SLC2A9: variants seen among roughly 807,000 people sequenced by gnomAD.
The protein encoded by SLC2A9 is solute carrier family 2 member 9, also known as solute carrier family 2, facilitated glucose transporter member 9.
SLC2A9 carries 39 observed loss-of-function variants against 50.6 expected under a neutral mutation model. The ratio of observed to expected loss-of-function variants is 0.77; its 90% CI spans 0.60 to 1.01. The LOEUF is 1.01. Ranked by LOEUF, SLC2A9 falls within the 50% of genes least tolerant of loss-of-function variation. SLC2A9 has a pLI of 0.00. For missense variants in SLC2A9, 686 were observed against 677.6 expected (o/e 1.01, Z -0.14); for synonymous variants, 324 against 276.9 (o/e 1.17, Z -1.69).
At chr4:9,958,941 A>G (rs1751774093) in intron 5 of SLC2A9, among the ~76,000 whole-genome samples, 2 of 152,010 alleles carry the variant, frequency 1.3e-5, no homozygotes, top group African/African-American at 4.8e-5. Flanking sequence ...AATAAAAACA[A>G]TGATGGAATT....
intron 5 of SLC2A9, among the ~76,000 whole-genome samples, chr4:9,953,272 G>A (rs1750637543): frequency 6.6e-6 from 1 of 152,234 alleles, no homozygotes. Context: ...CAGAGAGCCA[G>A]TGCTTCTCCT....
intron 1 of SLC2A9, among the ~76,000 whole-genome samples, chr4:9,773,893 C>T (rs1296091337): frequency 6.6e-6 from 1 of 152,062 alleles, no homozygotes; most frequent in Non-Finnish European, 1.5e-5. Context: ...AGACTGAAGG[C>T]TGTGGAGACC....
rs907792071 is a variant in SLC2A9, at chr4:9,890,784, G to A, written c.1114-73C>T. ...CCACAACAGGGGAATGTGGCACTGG[G>A]AACCGGCAATGGCATCATGATTAAA... On this transcript the variant is annotated intron_variant, in intron 8 of 11. Coordinates refer to ENST00000264784, the MANE Select transcript of SLC2A9 (RefSeq NM_020041.3). 1.0e-5 allele frequency: 14 copies of A among 1,357,216 alleles called. No homozygotes were observed. In the African/African-American group the frequency reaches 1.6e-4, roughly 15 times the overall value. 84.1% of individuals were successfully genotyped at this position (1,357,216 alleles called of 1,614,324 possible). A position where few individuals can be genotyped will look rare whatever the true frequency, so the allele number is the denominator to read the frequency against.
At chr4:9,974,766 A>T (rs1754510757) in intron 5 of SLC2A9, among the ~76,000 whole-genome samples, 1 of 152,192 alleles carries the variant, frequency 6.6e-6, no homozygotes, top group South Asian at 2.1e-4. Flanking sequence ...TAAAATTCAT[A>T]TAAAACCAAA....
chr4:9,992,215 G>A (rs559174364), intron 3 of SLC2A9, among the ~76,000 whole-genome samples: 10 of 152,218 alleles, frequency 6.6e-5, no homozygotes, highest in Admixed American at 3.9e-4. Context: ...GAGTGGATGC[G>A]TGGTACAGGC....
intron 5 of SLC2A9, among the ~76,000 whole-genome samples, chr4:9,970,529 T>C (rs937258102): frequency 1.3e-5 from 2 of 152,080 alleles, no homozygotes; most frequent in Non-Finnish European, 2.9e-5. Flanking sequence ...GGAAAGCTTA[T>C]AGCCTGTGGC....
chr4:9,895,379 A>T (rs575687252), intron 8 of SLC2A9, among the ~76,000 whole-genome samples: 23 of 152,230 alleles, frequency 1.5e-4, no homozygotes, highest in African/African-American at 2.2e-4. Context: ...CCCTCCTTTA[A>T]GTCCAGTTAA....
chr4:9,985,255 G>A (rs1271122895), intron 4 of SLC2A9, among the ~76,000 whole-genome samples: 3 of 152,070 alleles, frequency 2.0e-5, no homozygotes, highest in South Asian at 2.1e-4. Flanking sequence ...GCCAGCCCTC[G>A]CAGGTGCTCT....
intron 5 of SLC2A9, among the ~76,000 whole-genome samples, chr4:9,970,986 C>G (rs570970278): frequency 1.3e-5 from 2 of 152,168 alleles, no homozygotes; most frequent in African/African-American, 4.8e-5. Context: ...ATGCAGCCCC[C>G]GTCATGTACC....
intron 8 of SLC2A9, among the ~76,000 whole-genome samples, chr4:9,907,982 G>T (rs1451933902): frequency 1.3e-5 from 2 of 152,162 alleles, no homozygotes; most frequent in Non-Finnish European, 2.9e-5. Flanking sequence ...GTCAGGAACT[G>T]GGTGAGAATT....
chr4:9,840,405 T>A (rs1390128213), intron 10 of SLC2A9, among the ~76,000 whole-genome samples: 1 of 152,220 alleles, frequency 6.6e-6, no homozygotes, highest in Non-Finnish European at 1.5e-5. Flanking sequence ...ACAGAATGCA[T>A]TTCAGGCAGG....
At chr4:10,018,296 G>A (rs1433161786) in intron 2 of SLC2A9, among the ~76,000 whole-genome samples, 2 of 152,204 alleles carry the variant, frequency 1.3e-5, no homozygotes, top group African/African-American at 4.8e-5. Context: ...TATAATCCCA[G>A]CACTTTGGGA....
intron 2 of SLC2A9, among the ~76,000 whole-genome samples, chr4:10,001,565 T>C (rs541017312): frequency 2.0e-5 from 3 of 152,322 alleles, no homozygotes; most frequent in South Asian, 4.1e-4. Flanking sequence ...AAAAGTAATA[T>C]ATTGCCTAGC....
At chr4:9,843,341 G>A (rs1728405902) in intron 10 of SLC2A9, among the ~76,000 whole-genome samples, 1 of 152,184 alleles carries the variant, frequency 6.6e-6, no homozygotes, top group African/African-American at 2.4e-5. Context: ...TGAAGAAAAT[G>A]TTTATATCAT....
intron 5 of SLC2A9, among the ~76,000 whole-genome samples, chr4:9,963,374 G>A (rs1019547004): frequency 6.6e-6 from 1 of 152,132 alleles, no homozygotes; most frequent in Non-Finnish European, 1.5e-5. Context: ...ACTAATCAGG[G>A]TCTTCTTCAT....
intron 3 of SLC2A9, chr4:9,782,416 G>T (rs773513412): frequency 1.9e-6 from 3 of 1,613,918 alleles, no homozygotes; most frequent in African/African-American, 1.3e-5. Context: ...CCTCCATCCT[G>T]AACCTGTGCG....
intron 6 of SLC2A9, among the ~76,000 whole-genome samples, chr4:9,922,111 T>C (rs1048135099): frequency 2.2e-4 from 33 of 152,230 alleles, no homozygotes; most frequent in African/African-American, 7.7e-4. Flanking sequence ...TAGTATTCCA[T>C]GGTGTATATG....
At chr4:10,032,088 C>G (rs1225652915) in intron 1 of SLC2A9, among the ~76,000 whole-genome samples, 1 of 152,160 alleles carries the variant, frequency 6.6e-6, no homozygotes, top group Admixed American at 6.5e-5. Flanking sequence ...GGACCCAGAG[C>G]CAACAAGGTG....
At chr4:9,988,778 G>A (rs1049682655) in intron 3 of SLC2A9, among the ~76,000 whole-genome samples, 6 of 152,206 alleles carry the variant, frequency 3.9e-5, no homozygotes, top group African/African-American at 1.4e-4. Context: ...AAGGAAGCAT[G>A]GTAGGGTGAT....
Sources: allele counts gnomAD v4.1 joint callset (sites outside exome capture counted in the v4.1 genomes callset), GRCh38; gene constraint gnomAD v4.1.1; transcripts MANE v1.5; gene names NCBI Gene and HGNC (gene_info 2026-07-23, HGNC 2026-07-21).